KCNMB4: variants seen among roughly 807,000 people sequenced by gnomAD.
The protein encoded by KCNMB4 is potassium calcium-activated channel subfamily M regulatory beta subunit 4, also known as calcium-activated potassium channel subunit beta-4.
Under a neutral mutation model 20.7 loss-of-function variants are expected in KCNMB4, and 3 were observed. The observed-to-expected ratio is 0.14, with a 90% CI of 0.07 to 0.37. The LOEUF (loss-of-function observed/expected upper bound fraction) is 0.37. Among genes scored for constraint, KCNMB4 ranks in the 10% least tolerant of loss-of-function variants. KCNMB4 has a pLI of 1.00. For missense variants in KCNMB4, 168 were observed against 265.9 expected (o/e 0.63, Z 2.56); for synonymous variants, 110 against 113.4 (o/e 0.97, Z 0.19).
chr12:70,425,498 A>G (rs1343216914), intron 2 of KCNMB4, among the ~76,000 whole-genome samples: 1 of 152,198 alleles, frequency 6.6e-6, no homozygotes, highest in Non-Finnish European at 1.5e-5. Flanking sequence ...TCTAGATTAC[A>G]TATCGTGGTC....
At chr12:70,392,029 C>A (rs192036203) in intron 1 of KCNMB4, among the ~76,000 whole-genome samples, 165 of 152,246 alleles carry the variant, frequency 1.1e-3, no homozygotes, top group African/African-American at 3.7e-3. Flanking sequence ...AGAGGACTTA[C>A]AATAGACAGG....
At chr12:70,374,063 C>T (rs1371987823) in intron 1 of KCNMB4, among the ~76,000 whole-genome samples, 1 of 152,146 alleles carries the variant, frequency 6.6e-6, no homozygotes, top group Non-Finnish European at 1.5e-5. Flanking sequence ...GTATCTCCAG[C>T]CCCCATTTGT....
chr12:70,383,623 ACC>A (rs1210260275), intron 1 of KCNMB4, among the ~76,000 whole-genome samples: 1 of 152,078 alleles, frequency 6.6e-6, no homozygotes, highest in Non-Finnish European at 1.5e-5. Context: ...CTAGAAAAAC[ACC>A]CTTCCTTGCC....
At chr12:70,394,045 A>C (rs1868327951) in intron 1 of KCNMB4, among the ~76,000 whole-genome samples, 1 of 152,198 alleles carries the variant, frequency 6.6e-6, no homozygotes, top group Non-Finnish European at 1.5e-5. Context: ...TTTTGTAGTC[A>C]CAAAGCACTT....
At chr12:70,416,895 G>A (rs747394997) in intron 2 of KCNMB4, among the ~76,000 whole-genome samples, 11 of 152,058 alleles carry the variant, frequency 7.2e-5, no homozygotes, top group South Asian at 4.2e-4. Flanking sequence ...TAAAAAAACC[G>A]GTGTGTAATA....
rs1354651884 is a variant in KCNMB4 at position 70,410,616 on chromosome 12, G to T, written c.464+10280G>T. On this transcript the variant is annotated intron_variant, in intron 2 of 2. Coordinates refer to ENST00000258111, the MANE Select transcript of KCNMB4 (RefSeq NM_014505.6). ...ACCCATCTTAAGAGCTTCTGTTTTGGTTTTGTAAGAAACACATTTGCACCA... is the reference window on the plus strand; with the variant it reads ...ACCCATCTTAAGAGCTTCTGTTTTGTTTTTGTAAGAAACACATTTGCACCA... Among the ~76,000 whole-genome samples, 4 of 152,230 alleles carry T rather than the reference G, an allele frequency of 2.6e-5. No individual in the cohort carries two copies. In the South Asian group the frequency reaches 8.3e-4, roughly 32 times the overall value.
chr12:70,415,227 G>A (rs1328829183), intron 2 of KCNMB4, among the ~76,000 whole-genome samples: 1 of 152,206 alleles, frequency 6.6e-6, no homozygotes, highest in African/African-American at 2.4e-5. Context: ...AAATCACATA[G>A]CTGGCAAGTG....
chr12:70,400,362 T>C, intron 2 of KCNMB4, 26 bp downstream of exon 2: 1 of 1,592,864 alleles, frequency 6.3e-7, no homozygotes, highest in Non-Finnish European at 8.5e-7. Context: ...CATGTGCGTG[T>C]TAAAATTGTT....
intron 2 of KCNMB4, among the ~76,000 whole-genome samples, chr12:70,424,231 G>A (rs1029709801): frequency 1.9e-4 from 29 of 152,244 alleles, no homozygotes; most frequent in African/African-American, 7.0e-4. Flanking sequence ...AGAAGCTACT[G>A]CTTTTAGTCA....
At chr12:70,407,229 C>T (rs1868629842) in intron 2 of KCNMB4, among the ~76,000 whole-genome samples, 1 of 152,122 alleles carries the variant, frequency 6.6e-6, no homozygotes, top group Admixed American at 6.5e-5. Context: ...AAGGACACAA[C>T]TCAGGAACTG....
intron 2 of KCNMB4, among the ~76,000 whole-genome samples, chr12:70,420,771 A>G (rs2136140790): frequency 6.6e-6 from 1 of 152,324 alleles, no homozygotes; most frequent in Non-Finnish European, 1.5e-5. Flanking sequence ...TGAAAATACT[A>G]CAGATTGCCA....
chr12:70,378,760 C>T (rs11178208), intron 1 of KCNMB4, among the ~76,000 whole-genome samples: 36,238 of 152,042 alleles, frequency 0.24, 4,771 homozygotes, highest in East Asian at 0.5. Context: ...TGGTCTTGAA[C>T]TCCTGACCTC....
chr12:70,384,886 A>T, intron 1 of KCNMB4, among the ~76,000 whole-genome samples: 1 of 150,534 alleles, frequency 6.6e-6, no homozygotes, highest in Non-Finnish European at 1.5e-5. Flanking sequence ...AAAAAAAAAA[A>T]AAAAAAAAAA....
intron 2 of KCNMB4, among the ~76,000 whole-genome samples, chr12:70,407,187 C>T (rs1868628644): frequency 6.6e-6 from 1 of 152,134 alleles, no homozygotes; most frequent in African/African-American, 2.4e-5. Context: ...GAATGGCTCA[C>T]AGAACACTAC....
chr12:70,372,432 C>T (rs1055752250), intron 1 of KCNMB4, among the ~76,000 whole-genome samples: 1 of 152,118 alleles, frequency 6.6e-6, no homozygotes, highest in Non-Finnish European at 1.5e-5. Flanking sequence ...GGTGCAGAGG[C>T]AAGACTTGAA....
chr12:70,417,395 C>T (rs980878740), intron 2 of KCNMB4, among the ~76,000 whole-genome samples: 3 of 152,080 alleles, frequency 2.0e-5, no homozygotes, highest in Admixed American at 6.6e-5. Context: ...GGACAAAGCA[C>T]CTAAACAGGG....
At chr12:70,407,963 C>T (rs867459340) in intron 2 of KCNMB4, among the ~76,000 whole-genome samples, 1 of 152,136 alleles carries the variant, frequency 6.6e-6, no homozygotes, top group African/African-American at 2.4e-5. Context: ...TGCCAGGAAC[C>T]GGGGCAGAGA....
rs145888663 is a variant in KCNMB4, at chr12:70,429,110, A to G, written c.465-1375A>G. Among the ~76,000 whole-genome samples, 188 of 152,296 alleles carry G rather than the reference A, an allele frequency of 1.2e-3. 1 individual carries two copies. Among genetic ancestry groups the G allele is most frequent in the African/African-American group, 4.3e-3 (177 of 41,560 alleles). On this transcript the variant is annotated intron_variant, in intron 2 of 2. Transcript: ENST00000258111. ...CACTATAAGTAAAAAGAAATACCCA[A>G]CACCCTTTGTCAATCTTCAGGGAAA...
At chr12:70,387,398 ATTTTTTTT>A (rs200125786) in intron 1 of KCNMB4, among the ~76,000 whole-genome samples, 3,228 of 124,016 alleles carry the variant, frequency 0.026, 69 homozygotes, top group African/African-American at 0.05. Context: ...AAATTTTTTA[ATTTTTTTT>A]TTTTTTTTTT....
Sources: allele counts gnomAD v4.1 joint callset (sites outside exome capture counted in the v4.1 genomes callset), GRCh38; gene constraint gnomAD v4.1.1; transcripts MANE v1.5; gene names NCBI Gene and HGNC (gene_info 2026-07-23, HGNC 2026-07-21).